Variants in DENND1B observed in about 807,000 individuals in gnomAD.
DENND1B encodes the protein DENN domain containing 1B, also known as DENN domain-containing protein 1B.
DENND1B carries 59 observed loss-of-function variants against 90.1 expected under a neutral mutation model. The ratio of observed to expected loss-of-function variants is 0.65; its 90% CI spans 0.53 to 0.81. The LOEUF is 0.81. DENND1B is among the 40% of genes least tolerant of loss of function. The probability of loss-of-function intolerance (pLI) is 0.00; values close to 1 mark genes in which losing one functional copy is unlikely to be tolerated. For missense variants in DENND1B, 862 were observed against 912.6 expected, an observed-to-expected ratio of 0.94 and a Z score of 0.71; for synonymous variants, 337 against 324.6, an observed-to-expected ratio of 1.04 and a Z score of -0.41.
chr1:197,644,437 G>T (rs1011393603), intron 9 of DENND1B, among the ~76,000 whole-genome samples: 1 of 152,078 alleles, frequency 6.6e-6, no homozygotes, highest in Non-Finnish European at 1.5e-5. Flanking sequence ...TTAGTTGTTT[G>T]TTAGTAAACA....
At chr1:197,668,816 T>C (rs939870761) in intron 5 of DENND1B, among the ~76,000 whole-genome samples, 2 of 151,974 alleles carry the variant, frequency 1.3e-5, no homozygotes, top group African/African-American at 4.8e-5. Context: ...TATGAGATTT[T>C]ATAATTTTAA....
intron 2 of DENND1B, among the ~76,000 whole-genome samples, chr1:197,762,270 A>ATT (rs77728169): frequency 1.8e-3 from 262 of 145,242 alleles, no homozygotes; most frequent in African/African-American, 5.4e-3. Flanking sequence ...ATTAGTCAGC[A>ATT]TTTTTTTTTT....
chr1:197,568,391 G>A (rs555689607), intron 15 of DENND1B, among the ~76,000 whole-genome samples: 1 of 152,092 alleles, frequency 6.6e-6, no homozygotes, highest in Non-Finnish European at 1.5e-5. Context: ...GTTCATGGAT[G>A]GAAGAATTAG....
intron 6 of DENND1B, among the ~76,000 whole-genome samples, chr1:197,653,468 C>A (rs762390762): frequency 2.0e-5 from 3 of 151,976 alleles, no homozygotes; most frequent in Non-Finnish European, 2.9e-5. Flanking sequence ...TTTAAAAATT[C>A]TTTGCACTTT....
chr1:197,514,064 C>T (rs1668228987), intron 20 of DENND1B, among the ~76,000 whole-genome samples: 2 of 151,634 alleles, frequency 1.3e-5, no homozygotes, highest in South Asian at 2.1e-4. Flanking sequence ...AGGTATGATT[C>T]GTCAAGCGAT....
At chr1:197,692,908 C>T (rs781350356) in intron 3 of DENND1B, among the ~76,000 whole-genome samples, 2 of 151,690 alleles carry the variant, frequency 1.3e-5, no homozygotes, top group Non-Finnish European at 3.0e-5. Flanking sequence ...TCTTCCTGAA[C>T]TCCAGTCAGA....
intron 2 of DENND1B, among the ~76,000 whole-genome samples, chr1:197,745,390 T>C (rs1663618532): frequency 6.6e-6 from 1 of 151,954 alleles, no homozygotes; most frequent in Admixed American, 6.6e-5. Context: ...CATTGTAGGG[T>C]TATCAATTGG....
chr1:197,590,684 T>C (rs1675119159), intron 14 of DENND1B, among the ~76,000 whole-genome samples: 1 of 152,176 alleles, frequency 6.6e-6, no homozygotes, highest in Non-Finnish European at 1.5e-5. Flanking sequence ...ATTTAGCTTA[T>C]GTATTTAGTA....
At position 197,545,926 on chromosome 1, in the gene DENND1B, T is replaced by C. The variant is rs759652012; in HGVS notation, c.1346A>G (p.Lys449Arg). 1.9e-6 allele frequency: 3 copies of C among 1,600,704 alleles called. No homozygotes were observed. The highest frequency in any genetic ancestry group is 2.5e-6 in the Non-Finnish European group (3 of 1,176,656). ...TTAAATATCAAAAAAACTTACAAAT[T>C]TATATGCTGTCCGTACAGCAGGGGT... ...KATPAVRTAY[K>R]FAKNHAKLGL... The change falls in exon 18 of 23, where the codon AAA (lysine) becomes AGA (arginine). Residue 449 changes from lysine to arginine, a missense_variant. Coordinates refer to ENST00000620048, the MANE Select transcript of DENND1B (RefSeq NM_001195215.2).
At position 197,746,576 on chromosome 1, in the gene DENND1B, T is replaced by C. The variant is rs538952677; in HGVS notation, c.82+26292A>G. Among the ~76,000 whole-genome samples the C allele has an allele frequency of 4.4e-4, 67 of 152,342 alleles. 1 individual carries two copies. Among genetic ancestry groups the C allele is most frequent in the Admixed American group, 2.1e-3 (32 of 15,294 alleles). On this transcript the variant is annotated intron_variant, in intron 2 of 22. Transcript: ENST00000620048. Reference sequence around the variant, plus strand: ...GAATGCTTCATTTTATTCACTTCAGTACGACAAAGCCCTTAGAGAAAGATT... The same window carrying C: ...GAATGCTTCATTTTATTCACTTCAGCACGACAAAGCCCTTAGAGAAAGATT...
At position 197,506,404 on chromosome 1, in the gene DENND1B, G is replaced by C. The variant is rs1667734165; in HGVS notation, c.*4056C>G. 6.6e-6 allele frequency: 1 copy of C among 151,506 alleles called. No homozygotes were observed. Among genetic ancestry groups the C allele is most frequent in the East Asian group, 1.9e-4 (1 of 5,164 alleles). 9.4% of individuals were successfully genotyped at this position (151,506 alleles called of 1,614,324 possible). A position where few individuals can be genotyped will look rare whatever the true frequency, so the allele number is the denominator to read the frequency against. ...TTGTAAAAACTATTTCCTACATTAAGAAGTGCTTTGGAGGAAACTAGATTT... is the reference window on the plus strand; with the variant it reads ...TTGTAAAAACTATTTCCTACATTAACAAGTGCTTTGGAGGAAACTAGATTT... On this transcript the variant is annotated 3_prime_UTR_variant, in exon 23 of 23. Coordinates refer to ENST00000620048, the MANE Select transcript of DENND1B (RefSeq NM_001195215.2).
At position 197,761,186 on chromosome 1, in the gene DENND1B, A is replaced by G. The variant is rs968922612; in HGVS notation, c.82+11682T>C. 3.3e-5 allele frequency among the ~76,000 whole-genome samples: 5 copies of G among 152,330 alleles called. No individual in the cohort carries two copies. The South Asian group carries it at 1.0e-3, about 32-fold the overall frequency. On this transcript the variant is annotated intron_variant, in intron 2 of 22. Coordinates refer to ENST00000620048, the MANE Select transcript of DENND1B (RefSeq NM_001195215.2). ...GTCTTGAAGTAATAAGAACAAAAAA[A>G]TTTTAAAGACATTATTTTCTAAAAA...
chr1:197,518,158 T>A (rs1003116844), intron 20 of DENND1B, among the ~76,000 whole-genome samples: 9 of 151,834 alleles, frequency 5.9e-5, no homozygotes, highest in Non-Finnish European at 1.0e-4. Flanking sequence ...TGCAAAAGAC[T>A]CTGAAAGGAG....
chr1:197,670,985 G>A (rs1045762440), intron 5 of DENND1B, among the ~76,000 whole-genome samples: 3 of 152,050 alleles, frequency 2.0e-5, no homozygotes, highest in Admixed American at 6.6e-5. Flanking sequence ...AAGCAGTTAA[G>A]CACTTACTTT....
chr1:197,512,011 A>G, intron 21 of DENND1B, 67 bp from the exon 22 acceptor site: 1 of 1,194,780 alleles, frequency 8.4e-7, no homozygotes, highest in Non-Finnish European at 1.2e-6. Flanking sequence ...GTAATCTCTC[A>G]CCAGTTACAT....
intron 20 of DENND1B, among the ~76,000 whole-genome samples, chr1:197,528,617 T>G (rs1227217760): frequency 6.6e-6 from 1 of 152,132 alleles, no homozygotes; most frequent in African/African-American, 2.4e-5. Flanking sequence ...TCCCAGCACT[T>G]TGGGAGGCCG....
At chr1:197,687,656 G>A (rs1657390300) in intron 3 of DENND1B, among the ~76,000 whole-genome samples, 1 of 152,004 alleles carries the variant, frequency 6.6e-6, no homozygotes, top group South Asian at 2.1e-4. Flanking sequence ...CAAACAGGGT[G>A]AGACTATCTC....
chr1:197,551,710 G>T (rs1365267082), intron 16 of DENND1B, among the ~76,000 whole-genome samples: 1 of 152,076 alleles, frequency 6.6e-6, no homozygotes, highest in Non-Finnish European at 1.5e-5. Flanking sequence ...GGGTCATAAA[G>T]ATAATGAGAC....
In DENND1B at chr1:197,652,257, T is replaced by C. The variant is rs777197864; in HGVS notation, c.425A>G (p.Asn142Ser). 6.2e-7 allele frequency: 1 copy of C among 1,611,598 alleles called. No homozygotes were observed. Among genetic ancestry groups the C allele is most frequent in the Non-Finnish European group, 8.5e-7 (1 of 1,179,126 alleles). The stretch of plus-strand genomic sequence containing the variant: ...TACCACACTCAAATTTACAGGAGTA[T>C]TTGCCTTTGGTACTGGGTGGTTATA... ...SLYNHPVPKA[N>S]TPVNLSVNQE... is the part of the protein sequence containing the mutation. Residue 142 changes from asparagine to serine, a missense_variant, in exon 7 of 23, where the codon AAT (asparagine) becomes AGT (serine). Asn to Ser is a conservative substitution (Grantham distance 46). Transcript: ENST00000620048.
Sources: allele counts gnomAD v4.1 joint callset (sites outside exome capture counted in the v4.1 genomes callset), GRCh38; gene constraint gnomAD v4.1.1; transcripts MANE v1.5; gene names NCBI Gene and HGNC (gene_info 2026-07-23, HGNC 2026-07-21).